C4orf51: variants seen among roughly 807,000 people sequenced by gnomAD.
C4orf51 encodes chromosome 4 open reading frame 51.
C4orf51 carries 25 observed loss-of-function variants against 25.2 expected under a neutral mutation model. The ratio of observed to expected loss-of-function variants is 0.99; its 90% CI spans 0.72 to 1.39. The LOEUF is 1.39. C4orf51 is among the 40% of genes most tolerant of loss of function. The pLI is 0.00. For synonymous variants in C4orf51, 100 were observed against 84.5 expected, an observed-to-expected ratio of 1.18 and a Z score of -1.01; for missense variants, 252 against 239.6, an observed-to-expected ratio of 1.05 and a Z score of -0.34.
intron 1 of C4orf51, among the ~76,000 whole-genome samples, chr4:145,768,642 A>G (rs1157095700): frequency 5.3e-5 from 8 of 151,204 alleles, no homozygotes; most frequent in African/African-American, 1.9e-4. Context: ...TTATCTTCAA[A>G]TCAGTTCATT....
intron 2 of C4orf51, among the ~76,000 whole-genome samples, chr4:145,721,664 A>C (rs1207743091): frequency 6.6e-6 from 1 of 152,246 alleles, no homozygotes; most frequent in Non-Finnish European, 1.5e-5. Flanking sequence ...ACTGGGCACA[A>C]GGGAACATTG....
chr4:145,710,153 G>A (rs1322744311), intron 2 of C4orf51, among the ~76,000 whole-genome samples: 1 of 152,180 alleles, frequency 6.6e-6, no homozygotes, highest in Admixed American at 6.5e-5. Flanking sequence ...TACCAGCAGC[G>A]AATCCATACA....
chr4:145,759,605 T>C (rs1734238213), intron 1 of C4orf51: 1 of 152,148 alleles, frequency 6.6e-6, no homozygotes, highest in Non-Finnish European at 1.5e-5. Flanking sequence ...CGTCATTATA[T>C]GTCAAAGAGG....
chr4:145,743,797 C>G (rs1479662375), intron 1 of C4orf51, among the ~76,000 whole-genome samples: 2 of 152,172 alleles, frequency 1.3e-5, no homozygotes, highest in Non-Finnish European at 2.9e-5. Flanking sequence ...ACAGAATCCA[C>G]CAAGCAATTT....
chr4:145,775,752 G>A (rs1482085494), downstream of C4orf51: 7 of 1,611,760 alleles, frequency 4.3e-6, no homozygotes, highest in Non-Finnish European at 5.9e-6. Context: ...TCAAGAGTCT[G>A]AGAAAGGCGG....
intron 1 of C4orf51, among the ~76,000 whole-genome samples, chr4:145,750,240 T>G (rs1733598238): frequency 6.6e-6 from 1 of 152,150 alleles, no homozygotes; most frequent in Non-Finnish European, 1.5e-5. Context: ...CAGATGATTT[T>G]TTTTATTGCT....
At chr4:145,734,453 T>C (rs1230256945), downstream of C4orf51, among the ~76,000 whole-genome samples, 1 of 152,142 alleles carries the variant, frequency 6.6e-6, no homozygotes, top group Non-Finnish European at 1.5e-5. Context: ...AAGAGCTTTA[T>C]CATATACAGC....
chr4:145,697,047 A>AAACC (rs1553963213), intron 2 of C4orf51, among the ~76,000 whole-genome samples: 1 of 149,936 alleles, frequency 6.7e-6, no homozygotes, highest in African/African-American at 2.5e-5. Context: ...AAACAAAACA[A>AAACC]AACCAACCAA....
At chr4:145,694,144 TCTC>T (rs374590230) in intron 1 of C4orf51, among the ~76,000 whole-genome samples, 74,099 of 123,638 alleles carry the variant, frequency 0.6, 23,127 homozygotes, top group African/African-American at 0.8. Flanking sequence ...TCTCAGACGA[TCTC>T]CTCCTCACAT....
chr4:145,701,128 T>A (rs555155111), intron 2 of C4orf51, among the ~76,000 whole-genome samples: 31 of 152,148 alleles, frequency 2.0e-4, no homozygotes, highest in African/African-American at 7.0e-4. Flanking sequence ...TTATTCTCAA[T>A]ATACATTTTA....
At chr4:145,711,270 A>C (rs952713864) in intron 2 of C4orf51, among the ~76,000 whole-genome samples, 5 of 152,176 alleles carry the variant, frequency 3.3e-5, no homozygotes, top group African/African-American at 1.2e-4. Flanking sequence ...TTCTAATAAA[A>C]CTACTTTTCA....
At chr4:145,716,961 T>C (rs1406003937) in intron 2 of C4orf51, among the ~76,000 whole-genome samples, 1 of 152,236 alleles carries the variant, frequency 6.6e-6, no homozygotes, top group Non-Finnish European at 1.5e-5. Context: ...TGAAACACAC[T>C]ACATAGCTTG....
intron 1 of C4orf51, chr4:145,760,873 G>C: frequency 1.6e-6 from 2 of 1,225,976 alleles, no homozygotes; most frequent in Non-Finnish European, 2.1e-6. Context: ...AGGTCGGGGA[G>C]GGTGGAATGT....
downstream of C4orf51, among the ~76,000 whole-genome samples, chr4:145,771,693 C>T (rs1736309191): frequency 6.6e-6 from 1 of 152,178 alleles, no homozygotes; most frequent in Non-Finnish European, 1.5e-5. Context: ...CACTCACAGG[C>T]ATGCCTGGAG....
At chr4:145,703,223 C>T (rs1730575797) in intron 2 of C4orf51, among the ~76,000 whole-genome samples, 1 of 151,688 alleles carries the variant, frequency 6.6e-6, no homozygotes, top group African/African-American at 2.4e-5. Context: ...CGGTCCTTGC[C>T]TTAACTGATG....
chr4:145,729,296 G>GTTTTTTTTTT, intron 4 of C4orf51, 67 bp downstream of exon 4: 1 of 331,184 alleles, frequency 3.0e-6, no homozygotes, highest in Non-Finnish European at 4.8e-6. Context: ...GTGGTCATGT[G>GTTTTTTTTTT]ATTTTTTTTT....
In C4orf51 at chr4:145,762,947, A is replaced by T; in HGVS notation, n.167-8041A>T. 1.4e-6 allele frequency: 1 copy of T among 740,630 alleles called. No individual in the cohort carries two copies. The highest frequency in any genetic ancestry group is 1.8e-5 in the South Asian group (1 of 54,390). 45.9% of individuals were successfully genotyped at this position (740,630 alleles called of 1,614,324 possible). ...TGTTCAGCAGAGCCCAACACAACCA[A>T]GTGCACCGTGCACGGCCTCCTCAGC... is the stretch of plus-strand genomic sequence containing the variant. On this transcript the variant is annotated intron_variant and non_coding_transcript_variant, in intron 1 of 1. Coordinates refer to the C4orf51 transcript ENST00000510096. The surrounding 1 kb of genome is among the most constrained non-coding windows in gnomAD (Gnocchi z 4.9).
chr4:145,723,504 A>G (rs923888383), intron 2 of C4orf51, among the ~76,000 whole-genome samples: 12 of 152,048 alleles, frequency 7.9e-5, no homozygotes, highest in African/African-American at 2.9e-4. Context: ...ACCTGGAGGT[A>G]TACTTCCAAA....
intron 2 of C4orf51, among the ~76,000 whole-genome samples, chr4:145,720,562 C>T (rs1731677676): frequency 6.6e-6 from 1 of 152,182 alleles, no homozygotes; most frequent in South Asian, 2.1e-4. Flanking sequence ...CACATATTCC[C>T]CGGGAGTGTT....
Sources: allele counts gnomAD v4.1 joint callset (sites outside exome capture counted in the v4.1 genomes callset), GRCh38; gene constraint gnomAD v4.1.1; non-coding constraint Gnocchi (gnomAD v3.1); transcripts MANE v1.5; gene names NCBI Gene and HGNC (gene_info 2026-07-23, HGNC 2026-07-21).